The following RGS22 variants were observed in gnomAD, a reference collection of about 807,000 sequenced individuals.
The protein encoded by RGS22 is regulator of G protein signaling 22, also known as regulator of G-protein signaling 22.
Under a neutral mutation model 172.9 loss-of-function variants are expected in RGS22, and 148 were observed. That is an observed-to-expected ratio of 0.86 (90% confidence interval 0.75 to 0.98). The LOEUF is 0.98. Ranked by LOEUF, RGS22 falls within the 50% of genes least tolerant of loss-of-function variation. RGS22 has a pLI of 0.00. For synonymous variants in RGS22, 458 were observed against 480.2 expected (o/e 0.95, Z 0.60); for missense variants, 1,347 against 1,440.8 (o/e 0.93, Z 1.05).
chr8:99,999,765 A>T (rs1814828590), intron 18 of RGS22, among the ~76,000 whole-genome samples: 2 of 152,222 alleles, frequency 1.3e-5, no homozygotes, highest in Admixed American at 6.5e-5. Flanking sequence ...ACATTAGTCT[A>T]TTAGTTTTCT....
intron 3 of RGS22, 59 bp downstream of exon 3, chr8:100,093,388 G>T: frequency 1.0e-6 from 1 of 989,404 alleles, no homozygotes; most frequent in Non-Finnish European, 1.5e-6. Context: ...AGATAACCCA[G>T]TGATTAAAAT....
intron 10 of RGS22, 135 bp from the exon 11 acceptor site, chr8:100,047,731 T>G: frequency 4.1e-6 from 3 of 729,986 alleles, no homozygotes; most frequent in Non-Finnish European, 5.8e-6. Flanking sequence ...CCCAATAAAA[T>G]AGAAATTTTT....
At chr8:100,105,558 A>G (rs1813869837) in intron 1 of RGS22, 156 bp from the exon 2 acceptor site, 11 of 671,774 alleles carry the variant, frequency 1.6e-5, no homozygotes, top group Non-Finnish European at 2.6e-5. Context: ...CTTGCATTTT[A>G]AGTTGGAATT....
intron 14 of RGS22, among the ~76,000 whole-genome samples, chr8:100,025,994 T>C (rs1358198260): frequency 6.6e-6 from 1 of 151,670 alleles, no homozygotes; most frequent in Non-Finnish European, 1.5e-5. Flanking sequence ...TTCACCAAGG[T>C]GTTCCCAGCA....
In RGS22 at chr8:99,965,341, G is replaced by T; in HGVS notation, c.3609C>A (p.Gly1203=). 6.2e-7 allele frequency: 1 copy of T among 1,611,518 alleles called. No individual in the cohort carries two copies. Among genetic ancestry groups the T allele is most frequent in the Non-Finnish European group, 8.5e-7 (1 of 1,177,860 alleles). Residue 1203 remains glycine, a synonymous_variant, in exon 24 of 28, where the codon GGC becomes GGA. Coordinates refer to ENST00000360863, the MANE Select transcript of RGS22 (RefSeq NM_015668.5). Reference sequence around the variant, plus strand: ...CACCATCTTGCATGCTTACCTGTCGGCCATATGGTTGGAGGCCTAGGAAGG... The same window carrying T: ...CACCATCTTGCATGCTTACCTGTCGTCCATATGGTTGGAGGCCTAGGAAGG... The part of the protein sequence containing the change: ...SDSFLGLQPY[G]RQPTWCYSKY...
At chr8:100,006,839 A>G (rs1286486393) in intron 15 of RGS22, among the ~76,000 whole-genome samples, 1 of 152,178 alleles carries the variant, frequency 6.6e-6, no homozygotes, top group Non-Finnish European at 1.5e-5. Context: ...TCCTCCTACT[A>G]AAAACTGTAC....
chr8:99,973,208 T>C (rs1811561554), intron 23 of RGS22, among the ~76,000 whole-genome samples: 1 of 152,080 alleles, frequency 6.6e-6, no homozygotes, highest in African/African-American at 2.4e-5. Flanking sequence ...TAAAGACACA[T>C]GCACAGGTAT....
intron 19 of RGS22, 88 bp downstream of exon 19, chr8:99,999,172 AAG>A: frequency 8.4e-7 from 1 of 1,187,160 alleles, no homozygotes; most frequent in Non-Finnish European, 1.1e-6. Context: ...AAAAAAAAAA[AAG>A]GACAATGGCT....
chr8:100,060,137 A>G (rs1809991836), intron 9 of RGS22, among the ~76,000 whole-genome samples: 2 of 152,064 alleles, frequency 1.3e-5, no homozygotes, highest in South Asian at 4.1e-4. Context: ...TTCAAATGGT[A>G]TATATTTTTT....
intron 15 of RGS22, among the ~76,000 whole-genome samples, chr8:100,008,010 T>A (rs1277015983): frequency 6.6e-6 from 1 of 151,468 alleles, no homozygotes; most frequent in Admixed American, 6.6e-5. Flanking sequence ...AACAATTTTT[T>A]ATTTTTATTT....
At position 100,074,837 on chromosome 8, in the gene RGS22, G is replaced by A. The variant is rs147386627; in HGVS notation, c.340-2607C>T. 6.6e-3 allele frequency among the ~76,000 whole-genome samples: 1,003 copies of A among 151,822 alleles called. 13 individuals carry two copies. The highest frequency in any genetic ancestry group is 0.023 in the African/African-American group (947 of 41,310). ...GGCTGGAGGGCAGTGGCGTGATCTC[G>A]GCTCACTGCAAGTTCTGCCTCCCAG... On this transcript the variant is annotated intron_variant, in intron 4 of 27. Transcript: ENST00000360863.
At chr8:100,050,291 G>A (rs1462231812) in intron 10 of RGS22, among the ~76,000 whole-genome samples, 3 of 152,118 alleles carry the variant, frequency 2.0e-5, no homozygotes, top group Non-Finnish European at 2.9e-5. Context: ...TTCAGGAAGC[G>A]TTGAGAACTT....
Position 100,072,135 on chromosome 8 carries a change from A to T in RGS22, c.425+10T>A. The T allele has an allele frequency of 6.6e-7, 1 of 1,509,498 alleles. No individual in the cohort carries two copies. Among genetic ancestry groups the T allele is most frequent in the East Asian group, 2.3e-5 (1 of 44,016 alleles). The allele number at this position is 1,509,498 out of a possible 1,614,324, so 93.5% of individuals were successfully genotyped here. ...ATTTAAAAATACATATATTGATGGG[A>T]CTATAGTACCTGTATTCAAAGTAAC... On this transcript the variant is annotated intron_variant, in intron 5 of 27. Transcript: ENST00000360863.
intron 18 of RGS22, among the ~76,000 whole-genome samples, chr8:100,001,771 T>C (rs1815118132): frequency 1.3e-5 from 2 of 152,174 alleles, no homozygotes; most frequent in South Asian, 2.1e-4. Flanking sequence ...TAGAGTAATA[T>C]CAGTTCAGAG....
chr8:100,015,852 T>G (rs968689384), intron 14 of RGS22, among the ~76,000 whole-genome samples: 3 of 152,154 alleles, frequency 2.0e-5, no homozygotes, highest in Non-Finnish European at 4.4e-5. Context: ...GACCTCACAC[T>G]CATATTTTGC....
At chr8:99,985,021 G>A (rs994243899) in intron 21 of RGS22, among the ~76,000 whole-genome samples, 10 of 151,984 alleles carry the variant, frequency 6.6e-5, no homozygotes, top group African/African-American at 1.2e-4. Context: ...TCACAATCCC[G>A]AGTAATGTTT....
chr8:100,034,471 C>G (rs2131560769), intron 14 of RGS22, among the ~76,000 whole-genome samples: 1 of 152,222 alleles, frequency 6.6e-6, no homozygotes. Flanking sequence ...AAAGAGGACA[C>G]AAACAAATGG....
At chr8:100,057,590 G>A (rs904661182) in intron 9 of RGS22, among the ~76,000 whole-genome samples, 9 of 152,118 alleles carry the variant, frequency 5.9e-5, no homozygotes, top group Admixed American at 2.6e-4. Flanking sequence ...CATGAGATCT[G>A]ATTTTTATAA....
intron 6 of RGS22, among the ~76,000 whole-genome samples, chr8:100,068,784 A>G (rs1810726288): frequency 6.6e-6 from 1 of 151,902 alleles, no homozygotes; most frequent in African/African-American, 2.4e-5. Flanking sequence ...ATATACAAAA[A>G]TTAGCAGGGA....
Sources: allele counts gnomAD v4.1 joint callset (sites outside exome capture counted in the v4.1 genomes callset), GRCh38; gene constraint gnomAD v4.1.1; transcripts MANE v1.5; gene names NCBI Gene and HGNC (gene_info 2026-07-23, HGNC 2026-07-21).